STON1: variants seen among roughly 807,000 people sequenced by gnomAD.
STON1 encodes the protein stonin 1.
A neutral mutation model predicts 60.9 loss-of-function variants in STON1; 79 were observed. The ratio of observed to expected loss-of-function variants is 1.30; its 90% CI spans 1.08 to 1.56. The LOEUF (loss-of-function observed/expected upper bound fraction) is 1.56, where lower values mean the gene tolerates loss of function less well. Among genes scored for constraint, STON1 ranks in the 40% most tolerant of loss-of-function variants. STON1 has a pLI of 0.00. For missense variants in STON1, 1,166 were observed against 858.9 expected (o/e 1.36, Z -4.47); for synonymous variants, 363 against 306.9 (o/e 1.18, Z -1.91).
intron 1 of STON1, among the ~76,000 whole-genome samples, chr2:48,575,921 G>A (rs1337899033): frequency 1.3e-5 from 2 of 151,294 alleles, no homozygotes; most frequent in Admixed American, 6.6e-5. Flanking sequence ...ACCACGCCTG[G>A]CTAATTTTGC....
chr2:48,542,521 A>G (rs1671694718), intron 1 of STON1, among the ~76,000 whole-genome samples: 2 of 152,252 alleles, frequency 1.3e-5, no homozygotes, highest in Non-Finnish European at 1.5e-5. Flanking sequence ...ACCTTATTAT[A>G]AGCATTATGT....
At chr2:48,586,366 A>G (rs777719286) in intron 2 of STON1, among the ~76,000 whole-genome samples, 9 of 152,176 alleles carry the variant, frequency 5.9e-5, no homozygotes, top group Non-Finnish European at 1.0e-4. Context: ...TTCCTACTCT[A>G]CCAGAAACTT....
At chr2:48,577,794 T>G (rs1388906379) in intron 1 of STON1, among the ~76,000 whole-genome samples, 1 of 151,584 alleles carries the variant, frequency 6.6e-6, no homozygotes, top group African/African-American at 2.4e-5. Flanking sequence ...TTTTATATTT[T>G]TAGTAGAGAC....
At chr2:48,568,428 T>C (rs1673041286) in intron 1 of STON1, among the ~76,000 whole-genome samples, 1 of 152,030 alleles carries the variant, frequency 6.6e-6, no homozygotes. Flanking sequence ...ATTTGAGTGG[T>C]TTATGAAGAA....
rs1488489180 is a variant in STON1 at position 48,597,740 on chromosome 2, C to A, written c.*2438C>A. ...GTTAATTCGCACATCTATTAGGATC[C>A]TTAAATATTCATTACTTAATGTTAA... On this transcript the variant is annotated 3_prime_UTR_variant, in exon 4 of 4. Coordinates refer to ENST00000404752, the MANE Select transcript of STON1 (RefSeq NM_006873.4). The A allele has an allele frequency of 1.4e-4, 22 of 152,592 alleles. No individual in the cohort carries two copies. 9.5% of individuals were successfully genotyped at this position (152,592 alleles called of 1,614,324 possible). A position where few individuals can be genotyped will look rare whatever the true frequency, so the allele number is the denominator to read the frequency against.
rs1010901388 is a variant in STON1 at position 48,542,042 on chromosome 2, CAT to C, written c.-48+11827_-48+11828del. ...TCACATCTATGTTGAAAAGAAAAAA[CAT>C]GTGGAAAAGTTCCTGTTGTCCTTGG... On this transcript the variant is annotated intron_variant, in intron 1 of 3. Coordinates refer to ENST00000404752, the MANE Select transcript of STON1 (RefSeq NM_006873.4). 9.2e-5 allele frequency among the ~76,000 whole-genome samples: 14 copies of C among 152,308 alleles called. 1 individual carries two copies. The highest frequency in any genetic ancestry group is 2.0e-4 in the Admixed American group (3 of 15,296).
chr2:48,578,319 A>G (rs1009040216), intron 1 of STON1, among the ~76,000 whole-genome samples: 1 of 152,214 alleles, frequency 6.6e-6, no homozygotes, highest in Non-Finnish European at 1.5e-5. Flanking sequence ...ATGATATAAG[A>G]CAAGCTTGTC....
chr2:48,565,845 G>C (rs141027863), intron 1 of STON1, among the ~76,000 whole-genome samples: 3 of 152,320 alleles, frequency 2.0e-5, no homozygotes, highest in Non-Finnish European at 2.9e-5. Context: ...CTGTGGCTCA[G>C]TGACCTGCTT....
chr2:48,591,911 G>A, intron 3 of STON1, 56 bp downstream of exon 3: 1 of 1,577,828 alleles, frequency 6.3e-7, no homozygotes. Flanking sequence ...TATTTGTTTT[G>A]CTGTCTTTTG....
At chr2:48,558,290 A>G (rs1672467459) in intron 1 of STON1, among the ~76,000 whole-genome samples, 1 of 152,224 alleles carries the variant, frequency 6.6e-6, no homozygotes, top group Non-Finnish European at 1.5e-5. Flanking sequence ...ACGTATTTAT[A>G]CACATATATA....
chr2:48,564,167 A>G (rs1672727091), intron 1 of STON1, among the ~76,000 whole-genome samples: 2 of 152,172 alleles, frequency 1.3e-5, no homozygotes, highest in African/African-American at 4.8e-5. Flanking sequence ...AGTTTTCTCC[A>G]TTTAGAGAGA....
chr2:48,582,551 G>A lies in STON1; in HGVS notation c.1918G>A (p.Asp640Asn). ...GGTATGGAAGATAGATCGGCTTCCA[G>A]ACAAAAATTCAAGTAAATATTCAAC... ...AVVWKIDRLP[D>N]KNSSLDHPHC... Residue 640 changes from aspartate to asparagine, a missense_variant, in exon 2 of 4, where the codon GAC (aspartate) becomes AAC (asparagine). Coordinates refer to ENST00000404752, the MANE Select transcript of STON1 (RefSeq NM_006873.4). 1 of 1,606,004 alleles carries A rather than the reference G, an allele frequency of 6.2e-7. No individual in the cohort carries two copies. The highest frequency in any genetic ancestry group is 1.7e-4 in the Middle Eastern group (1 of 6,004).
chr2:48,563,215 C>T (rs1038946774), intron 1 of STON1, among the ~76,000 whole-genome samples: 2 of 152,138 alleles, frequency 1.3e-5, no homozygotes, highest in African/African-American at 4.8e-5. Context: ...AGTCCTGGGG[C>T]CTATGGGTGG....
In STON1 at chr2:48,595,508, C is replaced by A; in HGVS notation, c.*206C>A. ...TGTGTTTTTGTCCTAGGGGTTCGATCTAAAATGTTTCTATAATTCGTGTGA... is the reference window on the plus strand; with the variant it reads ...TGTGTTTTTGTCCTAGGGGTTCGATATAAAATGTTTCTATAATTCGTGTGA... On this transcript the variant is annotated 3_prime_UTR_variant, in exon 4 of 4. Transcript: ENST00000404752. 1.9e-6 allele frequency: 1 copy of A among 518,094 alleles called. No individual in the cohort carries two copies. The highest frequency in any genetic ancestry group is 3.6e-4 in the Middle Eastern group (1 of 2,778). The allele number at this position is 518,094 out of a possible 1,614,324, so 32.1% of individuals were successfully genotyped here.
At chr2:48,594,451 G>A in intron 3 of STON1, among the ~76,000 whole-genome samples, 1 of 152,170 alleles carries the variant, frequency 6.6e-6, no homozygotes, top group East Asian at 1.9e-4. Context: ...GTAATTATCT[G>A]TTGCCAGATA....
chr2:48,589,421 G>C (rs937361981), intron 2 of STON1, among the ~76,000 whole-genome samples: 1 of 152,156 alleles, frequency 6.6e-6, no homozygotes, highest in African/African-American at 2.4e-5. Flanking sequence ...TCATTAATTG[G>C]TGAATTTGAA....
At chr2:48,579,034 G>A (rs1434122710) in intron 1 of STON1, among the ~76,000 whole-genome samples, 1 of 150,044 alleles carries the variant, frequency 6.7e-6, no homozygotes, top group Non-Finnish European at 1.5e-5. Context: ...ACAAAGTTTC[G>A]TTCTCCTTGC....
rs1476610776 is a variant in STON1 at position 48,598,293 on chromosome 2, T to C, written c.*2991T>C. The C allele has an allele frequency of 6.6e-6, 1 of 152,558 alleles. No individual in the cohort carries two copies. 9.5% of individuals were successfully genotyped at this position (152,558 alleles called of 1,614,324 possible). A position where few individuals can be genotyped will look rare whatever the true frequency, so the allele number is the denominator to read the frequency against. On this transcript the variant is annotated 3_prime_UTR_variant, in exon 4 of 4. Coordinates refer to ENST00000404752, the MANE Select transcript of STON1 (RefSeq NM_006873.4). Reference sequence around the variant, plus strand: ...TATATATTAGACAGTTCTAGGATGTTAGTTCCCTTCATTCCAGAGCTATGC... The same window carrying C: ...TATATATTAGACAGTTCTAGGATGTCAGTTCCCTTCATTCCAGAGCTATGC...
chr2:48,587,877 A>G (rs1377307514), intron 2 of STON1, among the ~76,000 whole-genome samples: 2 of 152,180 alleles, frequency 1.3e-5, no homozygotes, highest in Non-Finnish European at 2.9e-5. Flanking sequence ...TGGCGTCCAG[A>G]GGGCATGGTG....
Sources: allele counts gnomAD v4.1 joint callset (sites outside exome capture counted in the v4.1 genomes callset), GRCh38; gene constraint gnomAD v4.1.1; transcripts MANE v1.5; gene names NCBI Gene and HGNC (gene_info 2026-07-23, HGNC 2026-07-21).